The following EAPP variants were observed in gnomAD, a reference collection of about 807,000 sequenced individuals.
EAPP encodes the protein E2F associated phosphoprotein.
Under a neutral mutation model 34.3 loss-of-function variants are expected in EAPP, and 38 were observed. That is an observed-to-expected ratio of 1.11 (90% CI 0.85 to 1.45). EAPP has a LOEUF of 1.45. Ranked by LOEUF, EAPP falls within the 40% of genes most tolerant of loss-of-function variation. EAPP has a pLI of 0.00. For synonymous variants in EAPP, 113 were observed against 117.6 expected (o/e 0.96, Z 0.25); for missense variants, 338 against 343.7 (o/e 0.98, Z 0.13).
At chr14:34,534,566 A>T (rs1880402470) in intron 2 of EAPP, among the ~76,000 whole-genome samples, 1 of 152,200 alleles carries the variant, frequency 6.6e-6, no homozygotes, top group South Asian at 2.1e-4. Context: ...TAAATCTGCC[A>T]CATTTTAGTG....
At chr14:34,521,627 C>G (rs922980565) in intron 5 of EAPP, among the ~76,000 whole-genome samples, 21 of 147,420 alleles carry the variant, frequency 1.4e-4, no homozygotes, top group African/African-American at 5.1e-4. Flanking sequence ...CTCAGAGTTC[C>G]CAGATTTCTT....
In EAPP at chr14:34,515,985, T is replaced by C. The variant is rs1879706439; in HGVS notation, c.*325A>G. On this transcript the variant is annotated 3_prime_UTR_variant, in exon 6 of 6. Transcript: ENST00000250454. ...AATTACATCAAAGCTATATCCAAAATAAAAATAACACTCAGAAACAAAGAT... is the reference window on the plus strand; with the variant it reads ...AATTACATCAAAGCTATATCCAAAACAAAAATAACACTCAGAAACAAAGAT... 8.5e-6 allele frequency: 2 copies of C among 234,602 alleles called. No homozygotes were observed. The highest frequency in any genetic ancestry group is 1.7e-5 in the Non-Finnish European group (2 of 120,972). 14.5% of individuals were successfully genotyped at this position (234,602 alleles called of 1,614,324 possible). A position where few individuals can be genotyped will look rare whatever the true frequency, so the allele number is the denominator to read the frequency against.
In EAPP at chr14:34,516,046, C is replaced by T. The variant is rs1184965707; in HGVS notation, c.*264G>A. ...TCCAGAACATTTTAATTCTACAGAG[C>T]TTTAATAAAAAGCCCGACAGTTTCC... On this transcript the variant is annotated 3_prime_UTR_variant, in exon 6 of 6. Transcript: ENST00000250454. The T allele has an allele frequency of 2.8e-6, 1 of 362,566 alleles. No individual in the cohort carries two copies. The highest frequency in any genetic ancestry group is 4.2e-5 in the Admixed American group (1 of 23,650). 22.5% of individuals were successfully genotyped at this position (362,566 alleles called of 1,614,324 possible).
In EAPP at chr14:34,516,255, C is replaced by A; in HGVS notation, c.*55G>T. On this transcript the variant is annotated 3_prime_UTR_variant, in exon 6 of 6. Transcript: ENST00000250454. ...ATATGAACAGGCAAGAGGAAAGTAACTGTCCATATTTGCCTTATATACAGT... is the reference window on the plus strand; with the variant it reads ...ATATGAACAGGCAAGAGGAAAGTAAATGTCCATATTTGCCTTATATACAGT... 1 of 1,488,274 alleles carries A rather than the reference C, an allele frequency of 6.7e-7. No homozygotes were observed. The highest frequency in any genetic ancestry group is 9.1e-7 in the Non-Finnish European group (1 of 1,104,106). 92.2% of individuals were successfully genotyped at this position (1,488,274 alleles called of 1,614,324 possible).
intron 4 of EAPP, among the ~76,000 whole-genome samples, chr14:34,527,390 G>A (rs573980757): frequency 6.6e-6 from 1 of 151,978 alleles, no homozygotes; most frequent in Non-Finnish European, 1.5e-5. Context: ...TTGAACCCGG[G>A]AGGCGGTGTG....
rs200465224 is a variant in EAPP at position 34,533,489 on chromosome 14, C to T, written c.307G>A (p.Asp103Asn). Residue 103 changes from aspartate to asparagine, a missense_variant, in exon 3 of 6, where the codon GAT becomes AAT. Physicochemically the swap from Asp to Asn is conservative, Grantham distance 23. Transcript: ENST00000250454. The stretch of plus-strand genomic sequence containing the variant: ...GAATCAGAATCAAAATATATATCAT[C>T]GTAGTACCTTGTCGGAGCTGTTGCA... ...KVATAPTRYY[D>N]DIYFDSDSED... 2.1e-4 allele frequency: 336 copies of T among 1,606,400 alleles called. 1 individual carries two copies. In the African/African-American group the frequency reaches 3.9e-3, roughly 18 times the overall value.
chr14:34,535,180 G>A (rs1228089961), intron 2 of EAPP, among the ~76,000 whole-genome samples: 1 of 146,984 alleles, frequency 6.8e-6, no homozygotes, highest in African/African-American at 2.5e-5. Flanking sequence ...CCCTGGCTGG[G>A]GTGCAGTGCC....
Position 34,526,569 on chromosome 14 carries a change from A to T in EAPP, c.471-1762T>A, listed in dbSNP as rs770642394. Among the ~76,000 whole-genome samples the T allele has an allele frequency of 8.5e-4, 123 of 145,252 alleles. 1 individual carries two copies. The highest frequency in any genetic ancestry group is 1.3e-3 in the Non-Finnish European group (87 of 66,290). On this transcript the variant is annotated intron_variant, in intron 4 of 5. Transcript: ENST00000250454. ...TGAAACCCTGTCTCTATAAGAAAAT[A>T]AAAAAAAAAATGAAAATAAAAATAA... is the stretch of plus-strand genomic sequence containing the variant.
chr14:34,529,601 C>G, intron 3 of EAPP, 126 bp from the exon 4 acceptor site: 1 of 731,904 alleles, frequency 1.4e-6, no homozygotes. Context: ...AAAAAAGGGA[C>G]GGGCGCAGTG....
chr14:34,536,319 T>C (rs974538139), intron 1 of EAPP, 44 bp from the exon 2 acceptor site: 9 of 1,456,366 alleles, frequency 6.2e-6, no homozygotes, highest in Non-Finnish European at 8.3e-6. Context: ...ATTTAAAAAT[T>C]AAAATAATTT....
intron 5 of EAPP, among the ~76,000 whole-genome samples, chr14:34,518,297 T>G (rs1352228935): frequency 6.7e-6 from 1 of 149,720 alleles, no homozygotes; most frequent in Non-Finnish European, 1.5e-5. Flanking sequence ...ATTGCAATAC[T>G]AATACTGTAT....
rs17856037 is a variant in EAPP at position 34,516,452 on chromosome 14, C to A, written c.716G>T (p.Arg239Leu). The part of the protein sequence containing the change: ...RRVHKKMRSN[R>L]EDAAEKAETD... ...CTCTGCCTTCTCGGCAGCATCTTCC[C>A]GGTTAGACCTCATCTTCTTATGGAC... Residue 239 changes from arginine (R) to leucine (L), a missense_variant, in exon 6 of 6, where the codon CGG becomes CTG. Transcript: ENST00000250454. The A allele has an allele frequency of 6.2e-7, 1 of 1,614,094 alleles. No individual in the cohort carries two copies. The highest frequency in any genetic ancestry group is 1.7e-5 in the Admixed American group (1 of 59,986).
At chr14:34,526,318 A>G (rs1740271079) in intron 4 of EAPP, among the ~76,000 whole-genome samples, 1 of 151,796 alleles carries the variant, frequency 6.6e-6, no homozygotes. Flanking sequence ...AATCTCAGCT[A>G]CTTGGGAGGC....
intron 4 of EAPP, among the ~76,000 whole-genome samples, chr14:34,526,112 T>A (rs1880087197): frequency 6.6e-6 from 1 of 151,758 alleles, no homozygotes. Context: ...ATGAATTTTT[T>A]AAAAACAGTA....
intron 1 of EAPP, chr14:34,539,298 C>G (rs1880579071): frequency 1.5e-6 from 1 of 667,144 alleles, no homozygotes; most frequent in Non-Finnish European, 2.8e-6. Context: ...AGGTTTCGAT[C>G]TCATTGCTTT....
At chr14:34,538,425 A>G (rs556617537) in intron 1 of EAPP, among the ~76,000 whole-genome samples, 1 of 152,168 alleles carries the variant, frequency 6.6e-6, no homozygotes, top group Non-Finnish European at 1.5e-5. Flanking sequence ...ACATATATAC[A>G]TACCTCCTTT....
chr14:34,525,308 G>A (rs760361153), intron 4 of EAPP, among the ~76,000 whole-genome samples: 6 of 152,094 alleles, frequency 3.9e-5, no homozygotes, highest in Admixed American at 2.0e-4. Context: ...ATGGTAAGGC[G>A]GGGTAAAAGA....
At chr14:34,534,973 G>A (rs778057952) in intron 2 of EAPP, among the ~76,000 whole-genome samples, 15 of 151,906 alleles carry the variant, frequency 9.9e-5, no homozygotes, top group Non-Finnish European at 1.6e-4. Flanking sequence ...TGAGTAGCTC[G>A]GACTGCAGGC....
chr14:34,529,907 T>C (rs964913681), intron 3 of EAPP, among the ~76,000 whole-genome samples: 6 of 152,082 alleles, frequency 3.9e-5, no homozygotes, highest in African/African-American at 1.2e-4. Context: ...TCCCAGCTAC[T>C]TGGGGGCCTG....
Sources: gnomAD v4.1 joint callset for allele counts (sites outside exome capture counted in the v4.1 genomes callset) on GRCh38, gnomAD v4.1.1 for gene constraint, MANE v1.5 for transcripts, NCBI Gene and HGNC (gene_info 2026-07-23, HGNC 2026-07-21) for gene names.